Variants in FYN observed in about 807,000 individuals in gnomAD.
FYN encodes tyrosine-protein kinase Fyn.
FYN carries 10 observed loss-of-function variants against 70.2 expected under a neutral mutation model. The ratio of observed to expected loss-of-function variants is 0.14; its 90% CI spans 0.09 to 0.24. The LOEUF (loss-of-function observed/expected upper bound fraction) is 0.24. Among genes scored for constraint, FYN ranks in the 10% least tolerant of loss-of-function variants. The pLI, the probability that FYN is intolerant of heterozygous loss-of-function variation, is 1.00. For missense variants in FYN, 319 were observed against 673.1 expected, an observed-to-expected ratio of 0.47 and a Z score of 5.82; for synonymous variants, 236 against 248.6, an observed-to-expected ratio of 0.95 and a Z score of 0.48.
chr6:111,664,385 T>C (rs1025037321), intron 13 of FYN, among the ~76,000 whole-genome samples: 1 of 152,156 alleles, frequency 6.6e-6, no homozygotes, highest in African/African-American at 2.4e-5. Context: ...CAGAGTTTAA[T>C]TAATCACTCT....
chr6:111,820,554 C>G (rs908080002), intron 2 of FYN, among the ~76,000 whole-genome samples: 1 of 151,996 alleles, frequency 6.6e-6, no homozygotes, highest in Non-Finnish European at 1.5e-5. Context: ...AGGATATTTA[C>G]GTTTGAATTT....
At chr6:111,728,228 T>C (rs1222129250) in intron 3 of FYN, among the ~76,000 whole-genome samples, 3 of 152,152 alleles carry the variant, frequency 2.0e-5, no homozygotes, top group Non-Finnish European at 4.4e-5. Flanking sequence ...TGCCAAAGGT[T>C]TCAGAAAGAA....
intron 12 of FYN, among the ~76,000 whole-genome samples, chr6:111,675,977 G>T (rs1798516225): frequency 6.6e-6 from 1 of 152,072 alleles, no homozygotes; most frequent in Admixed American, 6.5e-5. Flanking sequence ...TGGAAACACA[G>T]TTACATGCTT....
chr6:111,749,921 GC>G (rs982004055), intron 3 of FYN, among the ~76,000 whole-genome samples: 4 of 151,814 alleles, frequency 2.6e-5, no homozygotes, highest in Admixed American at 1.3e-4. Flanking sequence ...TAGGAAGACT[GC>G]ATGATTTCTC....
chr6:111,773,323 G>A (rs116862373), intron 3 of FYN, among the ~76,000 whole-genome samples: 132 of 85,304 alleles, frequency 1.5e-3, no homozygotes, highest in East Asian at 9.2e-3. Flanking sequence ...GAGGGGAGGG[G>A]GAGGGAGAGG....
chr6:111,851,198 T>A (rs1381875074), intron 1 of FYN, among the ~76,000 whole-genome samples: 2 of 152,180 alleles, frequency 1.3e-5, no homozygotes, highest in African/African-American at 4.8e-5. Context: ...AAGGCCCTGG[T>A]GTCCCCCACA....
chr6:111,862,680 T>A (rs762557256), intron 1 of FYN, among the ~76,000 whole-genome samples: 1 of 152,212 alleles, frequency 6.6e-6, no homozygotes, highest in South Asian at 2.1e-4. Context: ...AGTAACCGGA[T>A]GTACCAACTT....
At chr6:111,670,595 T>C (rs1032630807) in intron 13 of FYN, among the ~76,000 whole-genome samples, 1 of 150,552 alleles carries the variant, frequency 6.6e-6, no homozygotes, top group East Asian at 1.9e-4. Context: ...CAATAAATAT[T>C]TGTGGAATGA....
intron 1 of FYN, among the ~76,000 whole-genome samples, chr6:111,857,426 C>T (rs556344558): frequency 6.6e-5 from 10 of 152,138 alleles, no homozygotes; most frequent in Non-Finnish European, 1.3e-4. Context: ...AAAACTCTGC[C>T]GCTTAAGGAC....
chr6:111,804,331 G>A (rs1324984151), intron 2 of FYN, among the ~76,000 whole-genome samples: 1 of 152,188 alleles, frequency 6.6e-6, no homozygotes, highest in Non-Finnish European at 1.5e-5. Flanking sequence ...AGCTTTAGAA[G>A]CGGCACCCTC....
At chr6:111,701,532 T>C (rs1176167388) in intron 8 of FYN, among the ~76,000 whole-genome samples, 8 of 152,158 alleles carry the variant, frequency 5.3e-5, no homozygotes, top group Non-Finnish European at 1.0e-4. Flanking sequence ...AAAGCCAATA[T>C]AAAAACAAGT....
intron 2 of FYN, among the ~76,000 whole-genome samples, chr6:111,843,017 C>A (rs1773411116): frequency 6.6e-6 from 1 of 152,178 alleles, no homozygotes; most frequent in Admixed American, 6.5e-5. Flanking sequence ...TTTCGGAAGG[C>A]CTCTGTGTCT....
At chr6:111,828,016 CGT>C (rs1367811868) in intron 2 of FYN, among the ~76,000 whole-genome samples, 7 of 152,168 alleles carry the variant, frequency 4.6e-5, no homozygotes, top group Non-Finnish European at 7.3e-5. Context: ...CGCTTCACTC[CGT>C]GTCAAGTTGA....
chr6:111,705,376 T>A (rs79102454), intron 6 of FYN, among the ~76,000 whole-genome samples: 5,372 of 149,590 alleles, frequency 0.036, 155 homozygotes, highest in East Asian at 0.13. Flanking sequence ...GTTCATCATC[T>A]TCTTCTTCTT....
chr6:111,826,581 T>C (rs544716873), intron 2 of FYN, among the ~76,000 whole-genome samples: 4 of 152,308 alleles, frequency 2.6e-5, no homozygotes, highest in Admixed American at 1.3e-4. Context: ...AATGACATAC[T>C]TGATCTTCTA....
intron 4 of FYN, among the ~76,000 whole-genome samples, chr6:111,719,403 A>G (rs1800829025): frequency 6.6e-6 from 1 of 152,062 alleles, no homozygotes; most frequent in South Asian, 2.1e-4. Flanking sequence ...CAAAATACAC[A>G]CACCCAGACC....
intron 2 of FYN, among the ~76,000 whole-genome samples, chr6:111,797,969 G>T (rs1264923957): frequency 6.6e-6 from 1 of 151,742 alleles, no homozygotes; most frequent in African/African-American, 2.4e-5. Context: ...CATCATGTTG[G>T]CCAGGCTGGT....
intron 1 of FYN, among the ~76,000 whole-genome samples, chr6:111,857,439 A>T (rs1773851172): frequency 6.6e-6 from 1 of 152,206 alleles, no homozygotes; most frequent in Admixed American, 6.5e-5. Context: ...TTAAGGACAT[A>T]ATCTCACACT....
intron 1 of FYN, among the ~76,000 whole-genome samples, chr6:111,850,225 T>C (rs1455761934): frequency 6.6e-6 from 1 of 152,242 alleles, no homozygotes; most frequent in East Asian, 1.9e-4. Flanking sequence ...CAGGATTTTG[T>C]CTGATTATCT....
Sources: allele counts gnomAD v4.1 joint callset (sites outside exome capture counted in the v4.1 genomes callset), GRCh38; gene constraint gnomAD v4.1.1; transcripts MANE v1.5; gene names NCBI Gene and HGNC (gene_info 2026-07-23, HGNC 2026-07-21).